The following CTNNA2 variants were observed in gnomAD, a reference collection of about 807,000 sequenced individuals.
The protein encoded by CTNNA2 is catenin alpha-2.
In CTNNA2, 42 loss-of-function variants were observed where a neutral mutation model predicts 101.0. That is an observed-to-expected ratio of 0.42 (90% CI 0.32 to 0.54). The LOEUF (loss-of-function observed/expected upper bound fraction) is 0.54, where lower values mean the gene tolerates loss of function less well. Among genes scored for constraint, CTNNA2 ranks in the 20% least tolerant of loss-of-function variants. The probability of loss-of-function intolerance (pLI) is 0.14; values close to 1 mark genes in which losing one functional copy is unlikely to be tolerated. For synonymous variants in CTNNA2, 450 were observed against 456.4 expected (o/e 0.99, Z 0.18); for missense variants, 871 against 1,223.1 (o/e 0.71, Z 4.29).
chr2:79,224,724 C>T (rs1674386746), intron 2 of CTNNA2, among the ~76,000 whole-genome samples: 1 of 151,788 alleles, frequency 6.6e-6, no homozygotes, highest in Admixed American at 6.6e-5. Context: ...AACGAGTCTC[C>T]TCATATGCTT....
At chr2:79,400,265 A>G (rs1182674709) in intron 4 of CTNNA2, among the ~76,000 whole-genome samples, 1 of 151,972 alleles carries the variant, frequency 6.6e-6, no homozygotes, top group Non-Finnish European at 1.5e-5. Flanking sequence ...CTACAAGGAA[A>G]TTCCTTGTGA....
chr2:79,911,977 T>C (rs981958525), intron 7 of CTNNA2, among the ~76,000 whole-genome samples: 1 of 152,192 alleles, frequency 6.6e-6, no homozygotes, highest in Non-Finnish European at 1.5e-5. Context: ...ATGCCCTGAC[T>C]GAAAAGTCTA....
At chr2:80,151,840 G>A (rs895823072) in intron 7 of CTNNA2, among the ~76,000 whole-genome samples, 1 of 152,222 alleles carries the variant, frequency 6.6e-6, no homozygotes. Context: ...TGCCTCTTCT[G>A]CTGCCAACCC....
At chr2:79,727,914 T>A (rs982676728) in intron 2 of CTNNA2, among the ~76,000 whole-genome samples, 1 of 151,968 alleles carries the variant, frequency 6.6e-6, no homozygotes, top group Non-Finnish European at 1.5e-5. Context: ...AACTCATCAT[T>A]TTTTATGGCT....
chr2:79,399,701 G>T (rs1279850611), intron 4 of CTNNA2, among the ~76,000 whole-genome samples: 2 of 151,994 alleles, frequency 1.3e-5, no homozygotes, highest in East Asian at 3.9e-4. Flanking sequence ...TAATAAAGAT[G>T]AGACACTCAA....
At position 80,414,274 on chromosome 2, in the gene CTNNA2, A is replaced by C. The variant is rs1327679075; in HGVS notation, c.1138-5175A>C. On this transcript the variant is annotated intron_variant, in intron 8 of 18. Coordinates refer to ENST00000402739, the MANE Select transcript of CTNNA2 (RefSeq NM_001282597.3). ...TTGATTAATCATGTCTGGTGTGGAC[A>C]TAGAAAGGAAGCATTGTAGCATACT... is the stretch of plus-strand genomic sequence containing the variant. Among the ~76,000 whole-genome samples the C allele has an allele frequency of 2.6e-5, 4 of 152,238 alleles. No individual in the cohort carries two copies. In the East Asian group the frequency reaches 7.7e-4, roughly 29 times the overall value.
At chr2:79,645,922 G>T (rs1225823016) in intron 1 of CTNNA2, among the ~76,000 whole-genome samples, 1 of 152,144 alleles carries the variant, frequency 6.6e-6, no homozygotes, top group Non-Finnish European at 1.5e-5. Flanking sequence ...TTCTGAATTT[G>T]TATCAACTAA....
chr2:80,169,621 G>A (rs1704919623), intron 7 of CTNNA2, among the ~76,000 whole-genome samples: 1 of 152,116 alleles, frequency 6.6e-6, no homozygotes, highest in African/African-American at 2.4e-5. Context: ...GTGGGTAGGA[G>A]GTGTTGGCCT....
intron 1 of CTNNA2, among the ~76,000 whole-genome samples, chr2:79,629,264 G>A (rs1679528370): frequency 1.7e-5 from 2 of 120,762 alleles, no homozygotes; most frequent in Admixed American, 1.6e-4. Context: ...ATATAAAATT[G>A]CCTTTGAAAG....
intron 7 of CTNNA2, among the ~76,000 whole-genome samples, chr2:80,346,258 C>T (rs1672724806): frequency 6.6e-6 from 1 of 152,208 alleles, no homozygotes; most frequent in African/African-American, 2.4e-5. Context: ...CATGGTTCTG[C>T]AGGCTGTACA....
intron 1 of CTNNA2, among the ~76,000 whole-genome samples, chr2:79,539,749 A>C (rs893737934): frequency 3.9e-5 from 6 of 152,088 alleles, no homozygotes; most frequent in African/African-American, 1.4e-4. Flanking sequence ...GACCAGAACT[A>C]TCTGTCCTTC....
intron 3 of CTNNA2, among the ~76,000 whole-genome samples, chr2:79,370,808 T>A (rs760217456): frequency 2.0e-5 from 3 of 152,244 alleles, no homozygotes; most frequent in Non-Finnish European, 4.4e-5. Context: ...CATGGTTTTA[T>A]AATTTACAGA....
chr2:80,002,923 T>C (rs537958499), intron 7 of CTNNA2, among the ~76,000 whole-genome samples: 2 of 152,310 alleles, frequency 1.3e-5, no homozygotes, highest in South Asian at 4.1e-4. Context: ...CTCCTGCCTG[T>C]GTCATTTTAT....
intron 2 of CTNNA2, among the ~76,000 whole-genome samples, chr2:79,301,725 G>T (rs1676112864): frequency 6.6e-6 from 1 of 152,044 alleles, no homozygotes; most frequent in Non-Finnish European, 1.5e-5. Flanking sequence ...CCCAATAGGA[G>T]ACTATGAGAG....
chr2:79,609,515 T>C (rs968220966), intron 1 of CTNNA2, among the ~76,000 whole-genome samples: 1 of 152,098 alleles, frequency 6.6e-6, no homozygotes, highest in African/African-American at 2.4e-5. Context: ...GGTATAAGTA[T>C]GTTGGAGGAC....
intron 7 of CTNNA2, chr2:80,028,319 G>C (rs749082571): frequency 6.6e-6 from 1 of 152,192 alleles, no homozygotes; most frequent in Admixed American, 6.5e-5. Flanking sequence ...CAGGTGGAAC[G>C]CAGTCTCCTC....
chr2:80,377,603 G>T (rs973989014), intron 7 of CTNNA2, among the ~76,000 whole-genome samples: 1 of 152,156 alleles, frequency 6.6e-6, no homozygotes, highest in African/African-American at 2.4e-5. Flanking sequence ...GAGGTAGGAA[G>T]ACTGGAAATT....
chr2:80,215,869 A>G (rs1018128971), intron 7 of CTNNA2, among the ~76,000 whole-genome samples: 3 of 152,186 alleles, frequency 2.0e-5, no homozygotes, highest in African/African-American at 7.2e-5. Flanking sequence ...GGTGGAGTCT[A>G]CAGAGGCAGG....
At chr2:80,004,064 T>C (rs1318142496) in intron 7 of CTNNA2, among the ~76,000 whole-genome samples, 1 of 152,276 alleles carries the variant, frequency 6.6e-6, no homozygotes, top group East Asian at 1.9e-4. Context: ...GCCAGGCTTC[T>C]TTACTAAAAC....
Sources: allele counts gnomAD v4.1 joint callset (sites outside exome capture counted in the v4.1 genomes callset), GRCh38; gene constraint gnomAD v4.1.1; transcripts MANE v1.5; gene names NCBI Gene and HGNC (gene_info 2026-07-23, HGNC 2026-07-21).